Variants in PELI3 observed in about 807,000 individuals in gnomAD.
PELI3 encodes pellino E3 ubiquitin protein ligase family member 3, also known as E3 ubiquitin-protein ligase pellino homolog 3.
In PELI3, 19 loss-of-function variants were observed where a neutral mutation model predicts 35.5. The observed-to-expected ratio is 0.54, with a 90% confidence interval of 0.37 to 0.79. The LOEUF (loss-of-function observed/expected upper bound fraction) is 0.79, where lower values mean the gene tolerates loss of function less well. Ranked by LOEUF, PELI3 falls within the 30% of genes least tolerant of loss-of-function variation. The pLI, the probability that PELI3 is intolerant of heterozygous loss-of-function variation, is 0.00. For synonymous variants in PELI3, 262 were observed against 279.2 expected, an observed-to-expected ratio of 0.94 and a Z score of 0.62; for missense variants, 490 against 661.2, an observed-to-expected ratio of 0.74 and a Z score of 2.84.
Position 66,468,468 on chromosome 11 carries a change from T to C in PELI3, c.152+188T>C, listed in dbSNP as rs188012387. Among the ~76,000 whole-genome samples, 6 of 152,354 alleles carry C rather than the reference T, an allele frequency of 3.9e-5. No individual in the cohort carries two copies. In the East Asian group the frequency reaches 1.2e-3, roughly 29 times the overall value. On this transcript the variant is annotated intron_variant, in intron 2 of 7. Coordinates refer to ENST00000320740, the MANE Select transcript of PELI3 (RefSeq NM_145065.3). ...AATTATTATTTTATCTTCCCATTTT[T>C]CACAAAGTACTGTGACAACTCTAAC...
chr11:66,473,547 C>A lies in PELI3; in HGVS notation c.651+112C>A. The A allele has an allele frequency of 7.3e-7, 1 of 1,371,774 alleles. No homozygotes were observed. The highest frequency in any genetic ancestry group is 9.8e-7 in the Non-Finnish European group (1 of 1,022,974). The allele number at this position is 1,371,774 out of a possible 1,614,324, so 85.0% of individuals were successfully genotyped here. A position where few individuals can be genotyped will look rare whatever the true frequency, so the allele number is the denominator to read the frequency against. On this transcript the variant is annotated intron_variant, in intron 6 of 7. Transcript: ENST00000320740. This position sits in a 1 kb window ranked among gnomAD's most constrained non-coding sequence, Gnocchi z 5.8. ...AGCCCACAGTAATCCAAATGGTGGT[C>A]CTGGCAGTTAGCAACCCCACCTAAC...
Position 66,476,309 on chromosome 11 carries a change from C to G in PELI3, c.*142C>G. 1 of 970,032 alleles carries G rather than the reference C, an allele frequency of 1.0e-6. No homozygotes were observed. The highest frequency in any genetic ancestry group is 1.5e-6 in the Non-Finnish European group (1 of 674,844). 60.1% of individuals were successfully genotyped at this position (970,032 alleles called of 1,614,324 possible). On this transcript the variant is annotated 3_prime_UTR_variant, in exon 8 of 8. Coordinates refer to ENST00000320740, the MANE Select transcript of PELI3 (RefSeq NM_145065.3). The stretch of plus-strand genomic sequence containing the variant: ...ACATGTTGGATGGGCTGTGCCCTTC[C>G]CCCCAACTGTGGCCCCCCAAGGAGG...
Position 66,467,539 on chromosome 11 carries a change from T to A in PELI3, c.-2+512T>A, listed in dbSNP as rs1476080490. 1 of 150,720 alleles carries A rather than the reference T, an allele frequency of 6.6e-6. No individual in the cohort carries two copies. Among genetic ancestry groups the A allele is most frequent in the East Asian group, 2.0e-4 (1 of 5,048 alleles). The allele number at this position is 150,720 out of a possible 1,614,324, so 9.3% of individuals were successfully genotyped here. ...GCCTACCCGCAGGGGGAGGCCGAGATGGGGAGACTGAGGCAGATGGTGAGG... is the reference window on the plus strand; with the variant it reads ...GCCTACCCGCAGGGGGAGGCCGAGAAGGGGAGACTGAGGCAGATGGTGAGG... On this transcript the variant is annotated intron_variant, in intron 1 of 7. Coordinates refer to ENST00000320740, the MANE Select transcript of PELI3 (RefSeq NM_145065.3). The surrounding 1 kb of genome is among the most constrained non-coding windows in gnomAD (Gnocchi z 4.2).
At chr11:66,474,306 T>C in intron 7 of PELI3, 1 of 568,334 alleles carries the variant, frequency 1.8e-6, no homozygotes. Context: ...GTTGGCAGTT[T>C]GTAGCATGTC....
intron 2 of PELI3, among the ~76,000 whole-genome samples, 183 bp from the exon 3 acceptor site, chr11:66,468,650 T>C (rs1000873232): frequency 4.6e-5 from 7 of 152,242 alleles, no homozygotes; most frequent in Non-Finnish European, 1.0e-4. Context: ...CCTGTGCCTC[T>C]GTTTCCCCTG....
rs34461329 is a variant in PELI3 at position 66,469,791 on chromosome 11, G to GTTT, written c.224+897_224+899dup. On this transcript the variant is annotated intron_variant, in intron 3 of 7. Transcript: ENST00000320740. ...CGCAGTGGGTGGGACCAGGGAATCT[G>GTTT]TTTTTTTTTTTTGTTTTTTTTTTTT... is the stretch of plus-strand genomic sequence containing the variant. 9.6e-3 allele frequency among the ~76,000 whole-genome samples: 1,194 copies of GTTT among 124,412 alleles called. 96 individuals carry two copies. Among genetic ancestry groups the GTTT allele is most frequent in the African/African-American group, 0.032 (1,039 of 32,062 alleles). The allele number at this position is 124,412 out of a possible 152,430, so 81.6% of individuals were successfully genotyped here.
chr11:66,473,543 T>C lies in PELI3; in HGVS notation c.651+108T>C. The C allele has an allele frequency of 7.2e-7, 1 of 1,382,620 alleles. No homozygotes were observed. The highest frequency in any genetic ancestry group is 9.7e-7 in the Non-Finnish European group (1 of 1,031,620). The allele number at this position is 1,382,620 out of a possible 1,614,324, so 85.6% of individuals were successfully genotyped here. On this transcript the variant is annotated intron_variant, in intron 6 of 7. Coordinates refer to ENST00000320740, the MANE Select transcript of PELI3 (RefSeq NM_145065.3). The surrounding 1 kb of genome is among the most constrained non-coding windows in gnomAD (Gnocchi z 5.8). Reference sequence around the variant, plus strand: ...AACCAGCCCACAGTAATCCAAATGGTGGTCCTGGCAGTTAGCAACCCCACC... The same window carrying C: ...AACCAGCCCACAGTAATCCAAATGGCGGTCCTGGCAGTTAGCAACCCCACC...
At chr11:66,474,453 C>T (rs1320947498) in intron 7 of PELI3, 4 of 252,942 alleles carry the variant, frequency 1.6e-5, no homozygotes, top group African/African-American at 9.3e-5. Context: ...GGGAGTGAGT[C>T]CTAGAGAGAG....
In PELI3 at chr11:66,473,582, A is replaced by T. The variant is rs562297972; in HGVS notation, c.651+147A>T. The T allele has an allele frequency of 7.6e-7, 1 of 1,315,566 alleles. No homozygotes were observed. Among genetic ancestry groups the T allele is most frequent in the Non-Finnish European group, 1.0e-6 (1 of 971,232 alleles). The allele number at this position is 1,315,566 out of a possible 1,614,324, so 81.5% of individuals were successfully genotyped here. On this transcript the variant is annotated intron_variant, in intron 6 of 7. Coordinates refer to ENST00000320740, the MANE Select transcript of PELI3 (RefSeq NM_145065.3). The surrounding 1 kb of genome is among the most constrained non-coding windows in gnomAD (Gnocchi z 5.8). Reference sequence around the variant, plus strand: ...AGCAACCCCACCTAACTGATGAGCAAAGTGAGGCCCAGAGAGACGCTCAAG... The same window carrying T: ...AGCAACCCCACCTAACTGATGAGCATAGTGAGGCCCAGAGAGACGCTCAAG...
intron 3 of PELI3, 55 bp downstream of exon 3, chr11:66,468,959 C>T (rs376841377): frequency 8.9e-5 from 62 of 692,980 alleles, no homozygotes; most frequent in Middle Eastern, 5.4e-4. Flanking sequence ...AGGTCTAGTG[C>T]GCTTTCACTA....
At position 66,473,829 on chromosome 11, in the gene PELI3, C is replaced by T. The variant is rs151081314; in HGVS notation, c.744C>T (p.Ser248=). 102 of 1,613,872 alleles carry T rather than the reference C, an allele frequency of 6.3e-5. No homozygotes were observed. In the African/African-American group the frequency reaches 9.5e-4, roughly 15 times the overall value. ...TGATGCACCCGGCAGGCGGCTTCTC[C>T]GAGGACTCAGCCCCGGGTGTCTGGC... ...VLVMHPAGGF[S]EDSAPGVWRE... The change falls in exon 7 of 8, where the codon TCC becomes TCT. Residue 248 remains serine, a synonymous_variant. Coordinates refer to ENST00000320740, the MANE Select transcript of PELI3 (RefSeq NM_145065.3). The surrounding 1 kb of genome is among the most constrained non-coding windows in gnomAD (Gnocchi z 5.8).
At chr11:66,470,815 C>A (rs530325436) in intron 3 of PELI3, among the ~76,000 whole-genome samples, 1 of 152,286 alleles carries the variant, frequency 6.6e-6, no homozygotes, top group Admixed American at 6.5e-5. Flanking sequence ...GATCCTAGGG[C>A]GAGAATTCCC....
intron 7 of PELI3, chr11:66,474,323 G>A (rs1194041826): frequency 1.6e-5 from 9 of 552,972 alleles, no homozygotes; most frequent in Admixed American, 1.0e-4. Context: ...TGTCTATCAC[G>A]TTCAGACAGG....
rs1484796873 is a variant in PELI3, at chr11:66,467,886, G to T, written c.-1-242G>T. Reference sequence around the variant, plus strand: ...AAAAAGCAGCCTCTGGCCACCCCAAGTTGGTCCATCTCTTTGGCACCACTG... The same window carrying T: ...AAAAAGCAGCCTCTGGCCACCCCAATTTGGTCCATCTCTTTGGCACCACTG... On this transcript the variant is annotated intron_variant, in intron 1 of 7. Transcript: ENST00000320740. The surrounding 1 kb of genome is among the most constrained non-coding windows in gnomAD (Gnocchi z 4.2). Among the ~76,000 whole-genome samples the T allele has an allele frequency of 6.6e-6, 1 of 152,200 alleles. No individual in the cohort carries two copies. Among genetic ancestry groups the T allele is most frequent in the East Asian group, 1.9e-4 (1 of 5,184 alleles).
intron 7 of PELI3, chr11:66,474,131 A>G (rs548266482): frequency 4.2e-6 from 3 of 718,326 alleles, no homozygotes; most frequent in South Asian, 1.5e-5. Flanking sequence ...GTCCCCAAGC[A>G]TAGCATGCAT....
At position 66,473,662 on chromosome 11, in the gene PELI3, G is replaced by A. The variant is rs1022236823; in HGVS notation, c.652-75G>A. ...GGCCGCCTCTGAACTTGAAGGTAGCGGGGGCAGTGCCTCTGGCACATGGCC... is the reference window on the plus strand; with the variant it reads ...GGCCGCCTCTGAACTTGAAGGTAGCAGGGGCAGTGCCTCTGGCACATGGCC... On this transcript the variant is annotated intron_variant, in intron 6 of 7. Transcript: ENST00000320740. The surrounding 1 kb of genome is among the most constrained non-coding windows in gnomAD (Gnocchi z 5.8). The A allele has an allele frequency of 4.3e-5, 67 of 1,569,192 alleles. No individual in the cohort carries two copies. Among genetic ancestry groups the A allele is most frequent in the Non-Finnish European group, 5.4e-5 (63 of 1,157,550 alleles).
chr11:66,473,547 C>T lies in PELI3; in HGVS notation c.651+112C>T. 1 of 1,371,778 alleles carries T rather than the reference C, an allele frequency of 7.3e-7. No homozygotes were observed. The highest frequency in any genetic ancestry group is 1.4e-5 in the South Asian group (1 of 71,366). The allele number at this position is 1,371,778 out of a possible 1,614,324, so 85.0% of individuals were successfully genotyped here. ...AGCCCACAGTAATCCAAATGGTGGTCCTGGCAGTTAGCAACCCCACCTAAC... is the reference window on the plus strand; with the variant it reads ...AGCCCACAGTAATCCAAATGGTGGTTCTGGCAGTTAGCAACCCCACCTAAC... On this transcript the variant is annotated intron_variant, in intron 6 of 7. Coordinates refer to ENST00000320740, the MANE Select transcript of PELI3 (RefSeq NM_145065.3). This position sits in a 1 kb window ranked among gnomAD's most constrained non-coding sequence, Gnocchi z 5.8.
chr11:66,469,140 C>T (rs138137819), intron 3 of PELI3, among the ~76,000 whole-genome samples: 1 of 152,254 alleles, frequency 6.6e-6, no homozygotes, highest in Non-Finnish European at 1.5e-5. Flanking sequence ...CCTCCTCCCC[C>T]ATCTGGATCT....
chr11:66,472,331 C>A (rs756943213), intron 4 of PELI3, 38 bp from the exon 5 acceptor site: 2 of 1,527,668 alleles, frequency 1.3e-6, no homozygotes, highest in South Asian at 2.2e-5. Flanking sequence ...CTTATCATGG[C>A]TGCACACCCT....
Sources: gnomAD v4.1 joint callset for allele counts (sites outside exome capture counted in the v4.1 genomes callset) on GRCh38, gnomAD v4.1.1 for gene constraint, Gnocchi (gnomAD v3.1) non-coding constraint, MANE v1.5 for transcripts, NCBI Gene and HGNC (gene_info 2026-07-23, HGNC 2026-07-21) for gene names.